DYNLL1: variants seen among roughly 807,000 people sequenced by gnomAD.
The protein encoded by DYNLL1 is dynein light chain LC8-type 1, also known as dynein light chain 1, cytoplasmic.
Under a neutral mutation model 10.1 loss-of-function variants are expected in DYNLL1, and 3 were observed. The observed-to-expected ratio is 0.30, with a 90% CI of 0.14 to 0.77. The LOEUF is 0.77. Among genes scored for constraint, DYNLL1 ranks in the 30% least tolerant of loss-of-function variants. The probability of loss-of-function intolerance (pLI) is 0.66; values close to 1 mark genes in which losing one functional copy is unlikely to be tolerated. For synonymous variants in DYNLL1, 46 were observed against 41.2 expected, an observed-to-expected ratio of 1.12 and a Z score of -0.45; for missense variants, 47 against 111.7, an observed-to-expected ratio of 0.42 and a Z score of 2.61.
chr12:120,478,547 TA>T (rs1163642669), intron 1 of DYNLL1, among the ~76,000 whole-genome samples: 1 of 150,214 alleles, frequency 6.7e-6, no homozygotes, highest in Non-Finnish European at 1.5e-5. Flanking sequence ...ATGCCTGGCC[TA>T]AAAAATAAAA....
At chr12:120,487,984 G>C (rs960888269) in intron 1 of DYNLL1, 1 of 152,216 alleles carries the variant, frequency 6.6e-6, no homozygotes, top group African/African-American at 2.4e-5. Flanking sequence ...GAGCACATTA[G>C]ATAATATTAT....
chr12:120,475,536 C>CT (rs1408544577), intron 1 of DYNLL1, among the ~76,000 whole-genome samples: 1 of 152,160 alleles, frequency 6.6e-6, no homozygotes, highest in African/African-American at 2.4e-5. Flanking sequence ...CCATGTAGCA[C>CT]TGTCCCACAG....
At chr12:120,472,005 ATTAAAC>A (rs1234318898) in intron 1 of DYNLL1, among the ~76,000 whole-genome samples, 1 of 152,094 alleles carries the variant, frequency 6.6e-6, no homozygotes, top group Non-Finnish European at 1.5e-5. Flanking sequence ...AATTAAAAAA[ATTAAAC>A]TTGATAATAA....
upstream of DYNLL1, among the ~76,000 whole-genome samples, chr12:120,492,419 T>C (rs1273516964): frequency 2.0e-5 from 3 of 152,106 alleles, no homozygotes; most frequent in Non-Finnish European, 4.4e-5. This position sits in a 1 kb window ranked among gnomAD's most constrained non-coding sequence, Gnocchi z 4.1. Context: ...ATACAAAGAT[T>C]AGCCAGGTGT....
intron 1 of DYNLL1, among the ~76,000 whole-genome samples, chr12:120,474,133 CTACAAAAAA>C (rs898698273): frequency 1.3e-5 from 2 of 151,870 alleles, no homozygotes; most frequent in Non-Finnish European, 2.9e-5. Flanking sequence ...AACCCCGTCT[CTACAAAAAA>C]TACAAAAATT....
chr12:120,480,496 C>G (rs1878857421), intron 1 of DYNLL1, among the ~76,000 whole-genome samples: 1 of 152,204 alleles, frequency 6.6e-6, no homozygotes, highest in Non-Finnish European at 1.5e-5. Flanking sequence ...CTGGCAGCTT[C>G]TCTGGGATCT....
intron 1 of DYNLL1, among the ~76,000 whole-genome samples, chr12:120,487,061 G>A (rs1879011027): frequency 6.9e-6 from 1 of 144,400 alleles, no homozygotes; most frequent in Non-Finnish European, 1.5e-5. Context: ...TGCAAGCTCT[G>A]CCTCCCAGGT....
At chr12:120,484,991 G>A (rs1011470447) in intron 1 of DYNLL1, among the ~76,000 whole-genome samples, 1 of 152,082 alleles carries the variant, frequency 6.6e-6, no homozygotes, top group African/African-American at 2.4e-5. Flanking sequence ...CCAACCACCT[G>A]GGCCTCCCAA....
chr12:120,471,128 C>G (rs1878640436), intron 1 of DYNLL1, among the ~76,000 whole-genome samples: 1 of 151,662 alleles, frequency 6.6e-6, no homozygotes, highest in Non-Finnish European at 1.5e-5. Flanking sequence ...CTTTAGGAGG[C>G]TGAGGTGGGT....
In DYNLL1 at chr12:120,496,128, T is replaced by C. The variant is rs1186570856; in HGVS notation, c.-95T>C. The C allele has an allele frequency of 2.0e-6, 1 of 509,302 alleles. No homozygotes were observed. The highest frequency in any genetic ancestry group is 1.9e-5 in the African/African-American group (1 of 51,926). 31.5% of individuals were successfully genotyped at this position (509,302 alleles called of 1,614,324 possible). ...GGGGCTGCTTAGATGCGCCACGGTT[T>C]CGGTAGCGACGGTATCTCTAGCCGG... On this transcript the variant is annotated 5_prime_UTR_variant, in exon 1 of 3. Transcript: ENST00000242577.
intron 1 of DYNLL1, 65 bp downstream of exon 1, chr12:120,496,281 C>T (rs1214558115): frequency 6.7e-6 from 9 of 1,338,986 alleles, no homozygotes; most frequent in South Asian, 2.8e-5. Flanking sequence ...CGGACTTAGC[C>T]CTCCGCGTAG....
chr12:120,481,576 G>A (rs1878879721), intron 1 of DYNLL1, among the ~76,000 whole-genome samples: 1 of 152,170 alleles, frequency 6.6e-6, no homozygotes. Flanking sequence ...CGATGCATAG[G>A]GCAAGGCATG....
upstream of DYNLL1, among the ~76,000 whole-genome samples, chr12:120,494,281 A>T (rs1593006192): frequency 6.7e-6 from 1 of 148,362 alleles, no homozygotes; most frequent in Non-Finnish European, 1.5e-5. Flanking sequence ...AATTATTGCC[A>T]TTTTTTTCCT....
intron 1 of DYNLL1, among the ~76,000 whole-genome samples, chr12:120,487,302 TTTTTTTTTG>T (rs1879019289): frequency 2.0e-5 from 2 of 102,368 alleles, no homozygotes; most frequent in Non-Finnish European, 4.2e-5. Flanking sequence ...TTTTTTTTTT[TTTTTTTTTG>T]AGACGGACTC....
At chr12:120,470,656 C>T (rs11065132) in intron 1 of DYNLL1, among the ~76,000 whole-genome samples, 39,442 of 151,916 alleles carry the variant, frequency 0.26, 5,973 homozygotes, top group East Asian at 0.5. Flanking sequence ...AGGCTGGTCT[C>T]GAACTCCTGG....
chr12:120,498,480 C>A lies in DYNLL1; in HGVS notation c.*270C>A. The A allele has an allele frequency of 2.8e-6, 1 of 355,272 alleles. No homozygotes were observed. 22.0% of individuals were successfully genotyped at this position (355,272 alleles called of 1,614,324 possible). On this transcript the variant is annotated 3_prime_UTR_variant, in exon 3 of 3. Transcript: ENST00000242577. The stretch of plus-strand genomic sequence containing the variant: ...AAATCCATTCCTTTAAAAAATAAAT[C>A]TGATGCAGATGTGTATGTGTGTGAA...
chr12:120,497,904 T>C (rs1868509023), intron 2 of DYNLL1, 169 bp from the exon 3 acceptor site: 1 of 647,362 alleles, frequency 1.5e-6, no homozygotes. Flanking sequence ...AGTATGTTTG[T>C]ATTAATGTAC....
chr12:120,480,038 A>G (rs1878848660), intron 1 of DYNLL1, among the ~76,000 whole-genome samples: 1 of 152,162 alleles, frequency 6.6e-6, no homozygotes, highest in Non-Finnish European at 1.5e-5. Flanking sequence ...ACAGTGTCCA[A>G]AGGAGAGCTG....
upstream of DYNLL1, chr12:120,496,069 C>G (rs1195114308): frequency 1.1e-4 from 44 of 384,470 alleles, no homozygotes; most frequent in South Asian, 1.2e-3. Context: ...GGGAGCAGGG[C>G]GGGGCCTGAG....
Sources: allele counts gnomAD v4.1 joint callset (sites outside exome capture counted in the v4.1 genomes callset), GRCh38; gene constraint gnomAD v4.1.1; non-coding constraint Gnocchi (gnomAD v3.1); transcripts MANE v1.5; gene names NCBI Gene and HGNC (gene_info 2026-07-23, HGNC 2026-07-21).